The following SLITRK3 variants were observed in gnomAD, a reference collection of about 807,000 sequenced individuals.
The protein encoded by SLITRK3 is SLIT and NTRK-like protein 3.
A neutral mutation model predicts 63.6 loss-of-function variants in SLITRK3; 16 were observed. The observed-to-expected ratio is 0.25, with a 90% CI of 0.17 to 0.38. The LOEUF (loss-of-function observed/expected upper bound fraction) is 0.38, where lower values mean the gene tolerates loss of function less well. SLITRK3 is among the 10% of genes least tolerant of loss of function. The probability of loss-of-function intolerance (pLI) is 1.00; values close to 1 mark genes in which losing one functional copy is unlikely to be tolerated. For missense variants in SLITRK3, 1,117 were observed against 1,181.4 expected (o/e 0.95, Z 0.80); for synonymous variants, 547 against 451.6 (o/e 1.21, Z -2.68).
Position 165,189,358 on chromosome 3 carries a change from G to T in SLITRK3, c.1473C>A (p.Val491=). 6.2e-7 allele frequency: 1 copy of T among 1,614,150 alleles called. No individual in the cohort carries two copies. Among genetic ancestry groups the T allele is most frequent in the Non-Finnish European group, 8.5e-7 (1 of 1,180,034 alleles). Residue 491 remains valine, a synonymous_variant, in exon 2 of 2, where the codon GTC becomes GTA. Coordinates refer to ENST00000475390, the MANE Select transcript of SLITRK3 (RefSeq NM_001318810.2). This position sits in a 1 kb window ranked among gnomAD's most constrained non-coding sequence, Gnocchi z 4.0. ...SLHYLYFEFN[V]IREIQPAAFS... is the part of the protein sequence containing the mutation. ...AGGCTGCAGGCTGGATTTCCCGGAT[G>T]ACATTGAACTCAAAGTACAAGTAGT...
At chr3:165,192,130 G>C (rs1576971430) in intron 1 of SLITRK3, among the ~76,000 whole-genome samples, 1 of 152,080 alleles carries the variant, frequency 6.6e-6, no homozygotes, top group Admixed American at 6.5e-5. Context: ...TCCTCATAGA[G>C]AGCACACAGA....
chr3:165,188,808 A>G lies in SLITRK3; in HGVS notation c.2023T>C (p.Phe675Leu). 3 of 1,614,170 alleles carry G rather than the reference A, an allele frequency of 1.9e-6. No homozygotes were observed. In the South Asian group the frequency reaches 3.3e-5, roughly 18 times the overall value. Residue 675 changes from phenylalanine (F) to leucine (L), a missense_variant, in exon 2 of 2, where the codon TTT becomes CTT. Physicochemically the swap from Phe to Leu is conservative, Grantham distance 22. Coordinates refer to ENST00000475390, the MANE Select transcript of SLITRK3 (RefSeq NM_001318810.2). ...CGACGCCTTCGGAGCACGTAGGCAA[A>G]GAGGCCTGCAGCAACAAAGACTGCT... is the stretch of plus-strand genomic sequence containing the variant. ...FSAVFVAAGL[F>L]AYVLRRRRKK...
chr3:165,195,831 G>A lies in SLITRK3; in HGVS notation c.-273C>T, dbSNP rs369594490. 6.3e-4 allele frequency: 97 copies of A among 152,824 alleles called. 4 individuals are homozygous for A. In the South Asian group the frequency reaches 0.02, roughly 31 times the overall value. The allele number at this position is 152,824 out of a possible 1,614,324, so 9.5% of individuals were successfully genotyped here. On this transcript the variant is annotated 5_prime_UTR_variant, in exon 1 of 2. Coordinates refer to ENST00000475390, the MANE Select transcript of SLITRK3 (RefSeq NM_001318810.2). ...GAGCGGGGCGCGCACCTAGCGCGGC[G>A]ATGCCAGCGACAGGGAGCTCACGAC...
intron 1 of SLITRK3, among the ~76,000 whole-genome samples, chr3:165,191,433 A>C (rs191355904): frequency 6.6e-6 from 1 of 152,346 alleles, no homozygotes; most frequent in Non-Finnish European, 1.5e-5. Flanking sequence ...CATCTCAGGA[A>C]AACTTAAGAT....
Position 165,188,005 on chromosome 3 carries a change from G to A in SLITRK3, c.2826C>T (p.Gly942=). ...KETLLFSAGK[G]FTDHQTQKSD... is the part of the protein sequence containing the mutation. ...TTTTTTGGGTTTGGTGGTCTGTGAAGCCCTTTCCAGCCGAGAAGAGAAGGG... is the reference window on the plus strand; with the variant it reads ...TTTTTTGGGTTTGGTGGTCTGTGAAACCCTTTCCAGCCGAGAAGAGAAGGG... Residue 942 remains glycine (G), a synonymous_variant, in exon 2 of 2, where the codon GGC becomes GGT. Coordinates refer to ENST00000475390, the MANE Select transcript of SLITRK3 (RefSeq NM_001318810.2). 1 of 1,613,972 alleles carries A rather than the reference G, an allele frequency of 6.2e-7. No homozygotes were observed.
Position 165,188,209 on chromosome 3 carries a change from A to G in SLITRK3, c.2622T>C (p.Pro874=), listed in dbSNP as rs201863606. 1 of 1,613,780 alleles carries G rather than the reference A, an allele frequency of 6.2e-7. No homozygotes were observed. The highest frequency in any genetic ancestry group is 2.2e-5 in the East Asian group (1 of 44,838). ...EKNGGVVLFP[P]GGGCGSGSML... Reference sequence around the variant, plus strand: ...TACTGCCACTACCACAGCCTCCCCCAGGAGGAAACAGCACCACCCCACCAT... The same window carrying G: ...TACTGCCACTACCACAGCCTCCCCCGGGAGGAAACAGCACCACCCCACCAT... The change falls in exon 2 of 2, where the codon CCT becomes CCC. Residue 874 remains proline (P), a synonymous_variant. Coordinates refer to ENST00000475390, the MANE Select transcript of SLITRK3 (RefSeq NM_001318810.2).
chr3:165,196,761 C>G (rs974602805), upstream of SLITRK3: 1 of 151,860 alleles, frequency 6.6e-6, no homozygotes, highest in African/African-American at 2.4e-5. Flanking sequence ...GCCAGCGCGT[C>G]CCCCCCGCAC....
rs752268698 is a variant in SLITRK3 at position 165,188,144 on chromosome 3, G to T, written c.2687C>A (p.Thr896Lys). 7 of 1,613,562 alleles carry T rather than the reference G, an allele frequency of 4.3e-6. No individual in the cohort carries two copies. The South Asian group carries it at 6.6e-5, about 15-fold the overall frequency. ...ATAGAGACAGTCCACAAATCCCACTGTGCAGGGGGCAGGCTGTGGCCTCTC... is the reference window on the plus strand; with the variant it reads ...ATAGAGACAGTCCACAAATCCCACTTTGCAGGGGGCAGGCTGTGGCCTCTC... ...DRERPQPAPC[T>K]VGFVDCLYGT... Residue 896 changes from threonine to lysine, a missense_variant, in exon 2 of 2, where the codon ACA becomes AAA. Physicochemically the swap from Thr to Lys is moderately conservative, Grantham distance 78 (BLOSUM62 -1). Coordinates refer to ENST00000475390, the MANE Select transcript of SLITRK3 (RefSeq NM_001318810.2).
At position 165,188,213 on chromosome 3, in the gene SLITRK3, G is replaced by A. The variant is rs1160000077; in HGVS notation, c.2618C>T (p.Pro873Leu). 6.2e-7 allele frequency: 1 copy of A among 1,613,760 alleles called. No individual in the cohort carries two copies. The highest frequency in any genetic ancestry group is 2.2e-5 in the East Asian group (1 of 44,838). ...GCCACTACCACAGCCTCCCCCAGGAGGAAACAGCACCACCCCACCATTTTT... is the reference window on the plus strand; with the variant it reads ...GCCACTACCACAGCCTCCCCCAGGAAGAAACAGCACCACCCCACCATTTTT... ...HEKNGGVVLF[P>L]PGGGCGSGSM... The change falls in exon 2 of 2, where the codon CCT becomes CTT. Residue 873 changes from proline to leucine, a missense_variant. Physicochemically the swap from Pro to Leu is moderately conservative, Grantham distance 98. Transcript: ENST00000475390.
At chr3:165,191,370 A>G (rs1435874329) in intron 1 of SLITRK3, among the ~76,000 whole-genome samples, 1 of 152,360 alleles carries the variant, frequency 6.6e-6, no homozygotes, top group South Asian at 2.1e-4. Context: ...TTAGTGTGAT[A>G]AAGTATGAGC....
rs545858656 is a variant in SLITRK3, at chr3:165,188,736, T to C, written c.2095A>G (p.Thr699Ala). The change falls in exon 2 of 2, where the codon ACT becomes GCT. Residue 699 changes from threonine to alanine, a missense_variant. Coordinates refer to ENST00000475390, the MANE Select transcript of SLITRK3 (RefSeq NM_001318810.2). Reference protein sequence around the residue: ...RSKRQEGVDLTGIQMQCHRLF... With the variant: ...RSKRQEGVDLAGIQMQCHRLF... ...CTGTGGCATTGCATTTGGATGCCAG[T>C]AAGGTCCACACCTTCCTGCCGCTTG... The C allele has an allele frequency of 7.4e-6, 12 of 1,614,128 alleles. No individual in the cohort carries two copies. The East Asian group carries it at 2.7e-4, about 36-fold the overall frequency.
At position 165,189,687 on chromosome 3, in the gene SLITRK3, G is replaced by A. The variant is rs771527892; in HGVS notation, c.1144C>T (p.His382Tyr). Residue 382 changes from histidine to tyrosine, a missense_variant, in exon 2 of 2, where the codon CAC (histidine) becomes TAC (tyrosine). His to Tyr is a moderately conservative substitution (Grantham distance 83). Coordinates refer to ENST00000475390, the MANE Select transcript of SLITRK3 (RefSeq NM_001318810.2). This position sits in a 1 kb window ranked among gnomAD's most constrained non-coding sequence, Gnocchi z 4.0. Reference sequence around the variant, plus strand: ...ACAGTCAAGCCAAGGTCATTGATGTGCAAATTACAGGTACACCCAGTGGGG... The same window carrying A: ...ACAGTCAAGCCAAGGTCATTGATGTACAAATTACAGGTACACCCAGTGGGG... ...ICPTGCTCNL[H>Y]INDLGLTVNC... is the part of the protein sequence containing the mutation. The A allele has an allele frequency of 6.2e-7, 1 of 1,614,182 alleles. No homozygotes were observed. Among genetic ancestry groups the A allele is most frequent in the Non-Finnish European group, 8.5e-7 (1 of 1,180,028 alleles).
rs1051642852 is a variant in SLITRK3 at position 165,190,303 on chromosome 3, C to G, written c.528G>C (p.Arg176Ser). The G allele has an allele frequency of 2.2e-5, 36 of 1,613,958 alleles. No individual in the cohort carries two copies. Among genetic ancestry groups the G allele is most frequent in the Non-Finnish European group, 2.9e-5 (34 of 1,180,012 alleles). ...TGAGATTATCATTTAAAATCAGAACCCTCAATTTACTTAGGTTCCGAAATG... is the reference window on the plus strand; with the variant it reads ...TGAGATTATCATTTAAAATCAGAACGCTCAATTTACTTAGGTTCCGAAATG... Reference protein sequence around the residue: ...SGAFRNLSKLRVLILNDNLIP... With the variant: ...SGAFRNLSKLSVLILNDNLIP... The change falls in exon 2 of 2, where the codon AGG (arginine) becomes AGC (serine). Residue 176 changes from arginine to serine, a missense_variant. By Grantham distance (110) the Arg-to-Ser change is moderately radical. Transcript: ENST00000475390.
chr3:165,189,711 G>T lies in SLITRK3; in HGVS notation c.1120C>A (p.Pro374Thr). Reference protein sequence around the residue: ...QTRPPIPIICPTGCTCNLHIN... With the variant: ...QTRPPIPIICTTGCTCNLHIN... ...TGCAAATTACAGGTACACCCAGTGG[G>T]GCATATAATGGGGATTGGTGGTCTG... The change falls in exon 2 of 2, where the codon CCC (proline) becomes ACC (threonine). Residue 374 changes from proline to threonine, a missense_variant. Pro to Thr is a conservative substitution (Grantham distance 38). Around this residue, in one of 4 missense-constraint regions of SLITRK3, gnomAD observed 452 missense variants for 495.3 expected, o/e 0.91. Coordinates refer to ENST00000475390, the MANE Select transcript of SLITRK3 (RefSeq NM_001318810.2). This position sits in a 1 kb window ranked among gnomAD's most constrained non-coding sequence, Gnocchi z 4.0. The T allele has an allele frequency of 6.2e-7, 1 of 1,614,114 alleles. No homozygotes were observed. Among genetic ancestry groups the T allele is most frequent in the Non-Finnish European group, 8.5e-7 (1 of 1,180,024 alleles).
Position 165,189,915 on chromosome 3 carries a change from A to C in SLITRK3, c.916T>G (p.Trp306Gly). 1.9e-6 allele frequency: 3 copies of C among 1,614,176 alleles called. No homozygotes were observed. Among genetic ancestry groups the C allele is most frequent in the Non-Finnish European group, 2.5e-6 (3 of 1,180,030 alleles). The change falls in exon 2 of 2, where the codon TGG becomes GGG. Residue 306 changes from tryptophan to glycine, a missense_variant. Transcript: ENST00000475390. The surrounding 1 kb of genome is among the most constrained non-coding windows in gnomAD (Gnocchi z 4.0). ...PHSSSSKENAWPTKPSSMLSS... is the reference protein window; with the variant it reads ...PHSSSSKENAGPTKPSSMLSS... The stretch of plus-strand genomic sequence containing the variant: ...AGCATTGAGGAAGGCTTAGTTGGCC[A>C]TGCATTCTCCTTACTTGATGACGAA...
chr3:165,190,304 C>G lies in SLITRK3; in HGVS notation c.527G>C (p.Arg176Thr). The G allele has an allele frequency of 6.2e-7, 1 of 1,614,118 alleles. No homozygotes were observed. The highest frequency in any genetic ancestry group is 8.5e-7 in the Non-Finnish European group (1 of 1,179,998). The part of the protein sequence containing the change: ...SGAFRNLSKL[R>T]VLILNDNLIP... Reference sequence around the variant, plus strand: ...GAGATTATCATTTAAAATCAGAACCCTCAATTTACTTAGGTTCCGAAATGC... The same window carrying G: ...GAGATTATCATTTAAAATCAGAACCGTCAATTTACTTAGGTTCCGAAATGC... The change falls in exon 2 of 2, where the codon AGG (arginine) becomes ACG (threonine). Residue 176 changes from arginine (R) to threonine (T), a missense_variant. Around this residue, in one of 4 missense-constraint regions of SLITRK3, gnomAD observed 452 missense variants for 495.3 expected, o/e 0.91. Transcript: ENST00000475390.
At chr3:165,193,587 C>T (rs929872732) in intron 1 of SLITRK3, among the ~76,000 whole-genome samples, 1 of 152,054 alleles carries the variant, frequency 6.6e-6, no homozygotes. Flanking sequence ...TTGCTTCGAT[C>T]CCGTTGCACC....
In SLITRK3 at chr3:165,189,523, G is replaced by C; in HGVS notation, c.1308C>G (p.Leu436=). 6.2e-7 allele frequency: 1 copy of C among 1,613,970 alleles called. No individual in the cohort carries two copies. The highest frequency in any genetic ancestry group is 8.5e-7 in the Non-Finnish European group (1 of 1,180,020). ...AAATACGATTGTTCCCCAGATGCAA[G>C]AGATCCAAGGAAGAAAAATTCCAAA... ...SDFWNFSSLD[L]LHLGNNRISY... is the part of the protein sequence containing the mutation. The change falls in exon 2 of 2, where the codon CTC becomes CTG. Residue 436 remains leucine, a synonymous_variant. Coordinates refer to ENST00000475390, the MANE Select transcript of SLITRK3 (RefSeq NM_001318810.2). The surrounding 1 kb of genome is among the most constrained non-coding windows in gnomAD (Gnocchi z 4.0).
Position 165,188,637 on chromosome 3 carries a change from T to C in SLITRK3, c.2194A>G (p.Lys732Glu), listed in dbSNP as rs1718057021. The change falls in exon 2 of 2, where the codon AAG (lysine) becomes GAG (glutamate). Residue 732 changes from lysine (K) to glutamate (E), a missense_variant. By Grantham distance (56) the Lys-to-Glu change is moderately conservative. Transcript: ENST00000475390. ...GGRPTLSSPEKAPPVGHVYEY... is the reference protein window; with the variant it reads ...GGRPTLSSPEEAPPVGHVYEY... ...TACACATGACCCACGGGAGGGGCCT[T>C]CTCTGGAGAGGAAAGAGTTGGTCGA... 2 of 1,613,730 alleles carry C rather than the reference T, an allele frequency of 1.2e-6. No homozygotes were observed. The highest frequency in any genetic ancestry group is 2.7e-5 in the African/African-American group (2 of 74,858).
Sources: gnomAD v4.1 joint callset for allele counts (sites outside exome capture counted in the v4.1 genomes callset) on GRCh38, gnomAD v4.1.1 for gene constraint, gnomAD v4.1.1 regional missense constraint, Gnocchi (gnomAD v3.1) non-coding constraint, MANE v1.5 for transcripts, NCBI Gene and HGNC (gene_info 2026-07-23, HGNC 2026-07-21) for gene names.